Variants in EPB41L2 observed in about 807,000 individuals in gnomAD.
EPB41L2 encodes the protein band 4.1-like protein 2.
Under a neutral mutation model 113.0 loss-of-function variants are expected in EPB41L2, and 43 were observed. The ratio of observed to expected loss-of-function variants is 0.38; its 90% CI spans 0.30 to 0.49. EPB41L2 has a LOEUF of 0.49. EPB41L2 is among the 20% of genes least tolerant of loss of function. The pLI is 0.95. For synonymous variants in EPB41L2, 442 were observed against 436.7 expected (o/e 1.01, Z -0.15); for missense variants, 1,147 against 1,223.4 (o/e 0.94, Z 0.93).
chr6:130,933,320 A>C (rs58072193), intron 3 of EPB41L2, among the ~76,000 whole-genome samples: 2,463 of 152,310 alleles, frequency 0.016, 56 homozygotes, highest in African/African-American at 0.046. Flanking sequence ...AACAATAAAA[A>C]CCATGCAACT....
intron 11 of EPB41L2, among the ~76,000 whole-genome samples, chr6:130,888,322 C>G (rs1421657320): frequency 2.6e-5 from 4 of 152,010 alleles, no homozygotes; most frequent in Non-Finnish European, 5.9e-5. Context: ...GATGACTTAC[C>G]CATCTGATGA....
At position 130,896,549 on chromosome 6, in the gene EPB41L2, A is replaced by G. The variant is rs531742726; in HGVS notation, c.1237-1430T>C. Among the ~76,000 whole-genome samples the G allele has an allele frequency of 3.6e-3, 556 of 152,370 alleles. 1 individual carries two copies. The highest frequency in any genetic ancestry group is 4.3e-3 in the Non-Finnish European group (291 of 68,028). The stretch of plus-strand genomic sequence containing the variant: ...AATGAGCCATCTCTAGTCTGAAGCA[A>G]TCTTTGGACAGGACAAGGAAGCTAT... On this transcript the variant is annotated intron_variant, in intron 8 of 19. Transcript: ENST00000337057.
At chr6:130,908,758 A>G in intron 5 of EPB41L2, 63 bp downstream of exon 5, 6 of 1,298,802 alleles carry the variant, frequency 4.6e-6, no homozygotes, top group Non-Finnish European at 6.5e-6. Context: ...ATTACTGATC[A>G]TTTATATCAC....
intron 6 of EPB41L2, 50 bp downstream of exon 6, chr6:130,904,415 A>T (rs202051732): frequency 1.5e-6 from 2 of 1,327,872 alleles, no homozygotes; most frequent in Non-Finnish European, 2.1e-6. Flanking sequence ...GCACAAAAAT[A>T]AACGAGAGCT....
intron 1 of EPB41L2, among the ~76,000 whole-genome samples, chr6:131,003,453 G>GAAAT (rs1391815495): frequency 6.6e-6 from 1 of 152,106 alleles, no homozygotes; most frequent in African/African-American, 2.4e-5. Flanking sequence ...CAGCCTCTTC[G>GAAAT]AAATACACTG....
chr6:130,927,384 C>G (rs1463601030), intron 3 of EPB41L2, among the ~76,000 whole-genome samples: 1 of 152,030 alleles, frequency 6.6e-6, no homozygotes, highest in African/African-American at 2.4e-5. Context: ...ATGTAAGAGC[C>G]TTTGACAGCC....
intron 16 of EPB41L2, 125 bp downstream of exon 16, chr6:130,867,334 C>G (rs1191044317): frequency 8.1e-7 from 1 of 1,231,188 alleles, no homozygotes; most frequent in South Asian, 1.5e-5. Flanking sequence ...AGTACACTTA[C>G]AAAGTGCAGA....
chr6:130,970,673 G>A (rs1311097945), intron 1 of EPB41L2, among the ~76,000 whole-genome samples: 1 of 151,916 alleles, frequency 6.6e-6, no homozygotes, highest in Non-Finnish European at 1.5e-5. Context: ...TCTCCATCCT[G>A]CAACTTTGTT....
chr6:130,851,063 A>G (rs1238120994), intron 19 of EPB41L2, among the ~76,000 whole-genome samples: 1 of 152,238 alleles, frequency 6.6e-6, no homozygotes, highest in African/African-American at 2.4e-5. Flanking sequence ...TAAGATGCTA[A>G]TTTTAGGTAT....
chr6:130,988,577 G>A (rs1363717414), intron 1 of EPB41L2, among the ~76,000 whole-genome samples: 1 of 152,142 alleles, frequency 6.6e-6, no homozygotes, highest in African/African-American at 2.4e-5. Context: ...CAGGGCATCC[G>A]AAGGGGCTGT....
chr6:130,868,163 T>C (rs1784511826), intron 15 of EPB41L2: 1 of 154,996 alleles, frequency 6.5e-6, no homozygotes, highest in Non-Finnish European at 1.4e-5. Context: ...AGGCTAAGAT[T>C]TGTTCTTCTG....
chr6:130,947,421 T>C (rs113870739), intron 3 of EPB41L2, among the ~76,000 whole-genome samples: 3,713 of 152,112 alleles, frequency 0.024, 147 homozygotes, highest in African/African-American at 0.085. Flanking sequence ...ATAACTACAG[T>C]CCTCTGAAGA....
chr6:130,858,097 C>T (rs375332894), intron 19 of EPB41L2, 34 bp downstream of exon 19: 38 of 1,524,696 alleles, frequency 2.5e-5, no homozygotes, highest in Non-Finnish European at 3.3e-5. Context: ...AGAGCAGTCA[C>T]TAGAAAGGCC....
intron 1 of EPB41L2, among the ~76,000 whole-genome samples, chr6:131,048,460 T>C (rs2128193281): frequency 6.6e-6 from 1 of 152,366 alleles, no homozygotes; most frequent in Non-Finnish European, 1.5e-5. Flanking sequence ...CACAACAGTA[T>C]GTCACAAATG....
At chr6:131,054,963 T>C (rs1416579991) in intron 1 of EPB41L2, among the ~76,000 whole-genome samples, 1 of 152,254 alleles carries the variant, frequency 6.6e-6, no homozygotes, top group Non-Finnish European at 1.5e-5. Flanking sequence ...GCTTTGGGCA[T>C]GACTGCCTTC....
chr6:130,993,425 G>A lies in EPB41L2; in HGVS notation c.-14-36926C>T, dbSNP rs563115306. ...TTGTATCGGTTCAAACCCTGAGAGC[G>A]TGCCAACAAACAACACAAGGCGGTG... On this transcript the variant is annotated intron_variant, in intron 1 of 19. Coordinates refer to ENST00000337057, the MANE Select transcript of EPB41L2 (RefSeq NM_001431.4). 5.3e-5 allele frequency among the ~76,000 whole-genome samples: 8 copies of A among 152,302 alleles called. No homozygotes were observed. In the South Asian group the frequency reaches 6.2e-4, roughly 12 times the overall value.
At chr6:130,898,101 TAAAAAAA>T in intron 8 of EPB41L2, among the ~76,000 whole-genome samples, 1 of 144,076 alleles carries the variant, frequency 6.9e-6, no homozygotes, top group African/African-American at 2.5e-5. Flanking sequence ...CCCAGGGGTC[TAAAAAAA>T]AAAAAAGAAA....
intron 1 of EPB41L2, among the ~76,000 whole-genome samples, chr6:131,057,174 C>T (rs1797764043): frequency 6.6e-6 from 1 of 152,188 alleles, no homozygotes; most frequent in Non-Finnish European, 1.5e-5. Context: ...AAAACCCTTT[C>T]AAAAACCACT....
chr6:130,955,597 T>C (rs1320959394), intron 2 of EPB41L2, among the ~76,000 whole-genome samples: 1 of 152,194 alleles, frequency 6.6e-6, no homozygotes, highest in Non-Finnish European at 1.5e-5. Context: ...AATAATAACA[T>C]TTCCAATTAA....
Sources: gnomAD v4.1 joint callset for allele counts (sites outside exome capture counted in the v4.1 genomes callset) on GRCh38, gnomAD v4.1.1 for gene constraint, MANE v1.5 for transcripts, NCBI Gene and HGNC (gene_info 2026-07-23, HGNC 2026-07-21) for gene names.